ABCB7: variants seen among roughly 807,000 people sequenced by gnomAD.
The protein encoded by ABCB7 is ATP binding cassette subfamily B member 7.
A neutral mutation model predicts 54.4 loss-of-function variants in ABCB7; 7 were observed. The ratio of observed to expected loss-of-function variants is 0.13; its 90% CI spans 0.07 to 0.24. The LOEUF (loss-of-function observed/expected upper bound fraction) is 0.24. ABCB7 is among the 10% of genes least tolerant of loss of function. ABCB7 has a pLI of 1.00. For missense variants in ABCB7, 356 were observed against 570.4 expected (o/e 0.62, Z 3.83); for synonymous variants, 218 against 207.1 (o/e 1.05, Z -0.45).
intron 15 of ABCB7, among the ~76,000 whole-genome samples, chrX:75,055,704 C>G (rs1384408325): frequency 2.7e-5 from 3 of 110,254 alleles, no homozygotes; most frequent in Non-Finnish European, 5.7e-5. Flanking sequence ...ATCTAGGATC[C>G]AATCAGGATC....
At chrX:75,112,861 C>G in intron 3 of ABCB7, 25 bp downstream of exon 3, 1 of 1,139,414 alleles carries the variant, frequency 8.8e-7, no homozygotes, top group Non-Finnish European at 1.2e-6. Flanking sequence ...TCAAGAATTT[C>G]CAGTTACTTG....
intron 4 of ABCB7, among the ~76,000 whole-genome samples, chrX:75,095,514 C>T (rs763381976): frequency 1.8e-5 from 2 of 112,916 alleles, no homozygotes; most frequent in Non-Finnish European, 3.7e-5. Context: ...TAAACGGACA[C>T]TCCGCAAAGC....
At chrX:75,112,824 C>T (rs1220014240) in intron 3 of ABCB7, 62 bp downstream of exon 3, 12 of 884,750 alleles carry the variant, frequency 1.4e-5, no homozygotes, top group Non-Finnish European at 2.0e-5. Context: ...ATCTTAAATA[C>T]ATATATCTTC....
chrX:75,152,122 T>A (rs753007176), intron 1 of ABCB7, among the ~76,000 whole-genome samples: 61 of 112,583 alleles, frequency 5.4e-4, no homozygotes, highest in African/African-American at 1.7e-3. Flanking sequence ...CGTATTTTTC[T>A]AATGACAGCA....
chrX:75,155,214 G>A (rs1275716511), intron 1 of ABCB7, among the ~76,000 whole-genome samples: 1 of 113,119 alleles, frequency 8.8e-6, no homozygotes, highest in Non-Finnish European at 1.9e-5. Context: ...ACAGGGCTAT[G>A]TACAAGGTAG....
chrX:75,144,859 T>C (rs2082080431), intron 1 of ABCB7, among the ~76,000 whole-genome samples: 1 of 111,181 alleles, frequency 9.0e-6, no homozygotes, highest in Admixed American at 9.6e-5. Flanking sequence ...CGCAATGAAG[T>C]AACAACCAAA....
At chrX:75,130,093 T>C (rs911616875) in intron 1 of ABCB7, among the ~76,000 whole-genome samples, 2 of 111,982 alleles carry the variant, frequency 1.8e-5, no homozygotes, top group Middle Eastern at 4.6e-3. Flanking sequence ...ATTAGCAATG[T>C]CACTGAATCT....
At chrX:75,114,646 A>T in intron 2 of ABCB7, 108 bp downstream of exon 2, 1 of 622,647 alleles carries the variant, frequency 1.6e-6, no homozygotes, top group Non-Finnish European at 2.5e-6. Flanking sequence ...GTCAGCATTT[A>T]GAAAAACACA....
intron 1 of ABCB7, among the ~76,000 whole-genome samples, chrX:75,150,922 C>T (rs1250150940): frequency 9.0e-6 from 1 of 111,089 alleles, no homozygotes; most frequent in Non-Finnish European, 1.9e-5. Context: ...TGCCCAGTGA[C>T]AAGTGCTCTT....
At chrX:75,142,630 TACCCACAA>T (rs2082061946) in intron 1 of ABCB7, among the ~76,000 whole-genome samples, 1 of 112,549 alleles carries the variant, frequency 8.9e-6, no homozygotes, top group Non-Finnish European at 1.9e-5. Flanking sequence ...GTCCAACATC[TACCCACAA>T]GACTTCAATA....
intron 4 of ABCB7, among the ~76,000 whole-genome samples, chrX:75,093,722 A>T (rs1415316009): frequency 9.7e-6 from 1 of 103,303 alleles, no homozygotes; most frequent in Non-Finnish European, 2.0e-5. Context: ...TTATTGTTCA[A>T]TTTTTCTGTA....
At chrX:75,115,420 T>C (rs1180487210) in intron 1 of ABCB7, among the ~76,000 whole-genome samples, 164 of 89,228 alleles carry the variant, frequency 1.8e-3, no homozygotes, top group Middle Eastern at 5.4e-3. Flanking sequence ...CTTTTTTTTT[T>C]TTTTTTTTTT....
At chrX:75,068,905 C>T (rs2081342177) in intron 12 of ABCB7, 102 bp downstream of exon 12, 2 of 965,440 alleles carry the variant, frequency 2.1e-6, no homozygotes, top group Non-Finnish European at 3.0e-6. Context: ...ATACTGACTA[C>T]TTCAGTAGCA....
At chrX:75,151,988 G>A (rs1026489918) in intron 1 of ABCB7, among the ~76,000 whole-genome samples, 1 of 111,553 alleles carries the variant, frequency 9.0e-6, no homozygotes, top group Non-Finnish European at 1.9e-5. Flanking sequence ...TACTGTGTGA[G>A]AACAATGTAG....
At chrX:75,056,816 C>A (rs754902877) in intron 15 of ABCB7, among the ~76,000 whole-genome samples, 2 of 111,580 alleles carry the variant, frequency 1.8e-5, no homozygotes, top group South Asian at 3.8e-4. Context: ...TACTCATAAG[C>A]TCAATCTTAC....
intron 1 of ABCB7, among the ~76,000 whole-genome samples, chrX:75,132,879 T>C (rs761812559): frequency 4.5e-5 from 5 of 111,475 alleles, no homozygotes; most frequent in Non-Finnish European, 9.4e-5. Context: ...CCCACACAGA[T>C]GAGAAAGAAC....
intron 4 of ABCB7, among the ~76,000 whole-genome samples, chrX:75,077,224 T>G (rs1602347528): frequency 1.8e-5 from 2 of 112,085 alleles, no homozygotes; most frequent in Admixed American, 1.9e-4. Flanking sequence ...GATTCACCAT[T>G]TGAAAAAACA....
chrX:75,080,822 T>C (rs1476605873), intron 4 of ABCB7, among the ~76,000 whole-genome samples: 2 of 112,157 alleles, frequency 1.8e-5, no homozygotes, highest in East Asian at 2.8e-4. Flanking sequence ...ATTTTATAAT[T>C]GGATTGTTTG....
chrX:75,117,905 CCTTT>C (rs2081837769), intron 1 of ABCB7, among the ~76,000 whole-genome samples: 1 of 111,970 alleles, frequency 8.9e-6, no homozygotes, highest in Admixed American at 9.5e-5. Context: ...CCTTTCCTTT[CCTTT>C]CTCTCTCTGT....
Sources: allele counts gnomAD v4.1 joint callset (sites outside exome capture counted in the v4.1 genomes callset), GRCh38; gene constraint gnomAD v4.1.1; transcripts MANE v1.5; gene names NCBI Gene and HGNC (gene_info 2026-07-23, HGNC 2026-07-21).